SPOCK3: variants seen among roughly 807,000 people sequenced by gnomAD.
The protein encoded by SPOCK3 is SPARC (osteonectin), cwcv and kazal like domains proteoglycan 3.
A neutral mutation model predicts 56.6 loss-of-function variants in SPOCK3; 30 were observed. The observed-to-expected ratio is 0.53, with a 90% confidence interval of 0.40 to 0.72. The LOEUF (loss-of-function observed/expected upper bound fraction) is 0.72, where lower values mean the gene tolerates loss of function less well. SPOCK3 is among the 30% of genes least tolerant of loss of function. SPOCK3 has a pLI of 0.00. For missense variants in SPOCK3, 527 were observed against 530.0 expected, an observed-to-expected ratio of 0.99 and a Z score of 0.06; for synonymous variants, 196 against 183.3, an observed-to-expected ratio of 1.07 and a Z score of -0.56.
At chr4:166,749,661 AAAT>A (rs1304773353) in intron 8 of SPOCK3, among the ~76,000 whole-genome samples, 1 of 151,906 alleles carries the variant, frequency 6.6e-6, no homozygotes, top group Non-Finnish European at 1.5e-5. Context: ...AATAAAAATA[AAAT>A]AATAAAATGT....
intron 2 of SPOCK3, among the ~76,000 whole-genome samples, chr4:167,068,328 C>T (rs533040108): frequency 6.6e-6 from 1 of 151,584 alleles, no homozygotes; most frequent in South Asian, 2.1e-4. Flanking sequence ...ATTTTATTTT[C>T]TGAAAATTGA....
rs531960833 is a variant in SPOCK3 at position 166,841,244 on chromosome 4, AG to A, written c.589+47885del. ...TAAGGAGCTGTGGCAATTTAACTGA[AG>A]GTCAGTTATCAATTCCTAATTTCTT... On this transcript the variant is annotated intron_variant, in intron 6 of 10. Transcript: ENST00000357545. Among the ~76,000 whole-genome samples, 32 of 152,254 alleles carry A rather than the reference AG, an allele frequency of 2.1e-4. No individual in the cohort carries two copies. In the East Asian group the frequency reaches 5.6e-3, roughly 27 times the overall value.
intron 3 of SPOCK3, among the ~76,000 whole-genome samples, chr4:167,024,824 C>T (rs945493474): frequency 2.6e-5 from 4 of 151,776 alleles, no homozygotes; most frequent in African/African-American, 4.8e-5. Context: ...CCAAATGCCA[C>T]CTGTACCCCA....
intron 4 of SPOCK3, among the ~76,000 whole-genome samples, chr4:166,968,017 A>G (rs1744937056): frequency 6.6e-6 from 1 of 152,202 alleles, no homozygotes; most frequent in Admixed American, 6.5e-5. Flanking sequence ...GACTGATGGC[A>G]GTGTGTCCCT....
intron 2 of SPOCK3, among the ~76,000 whole-genome samples, chr4:167,139,475 T>C (rs1763361516): frequency 1.3e-5 from 2 of 152,048 alleles, no homozygotes. Flanking sequence ...CCAATCTGAA[T>C]GTTATGCTAG....
intron 7 of SPOCK3, among the ~76,000 whole-genome samples, chr4:166,771,338 A>T (rs1191522463): frequency 6.6e-6 from 1 of 151,972 alleles, no homozygotes; most frequent in African/African-American, 2.4e-5. Context: ...GTTTATTGAG[A>T]TATTTAAAAT....
chr4:167,119,797 A>T (rs1470657154), intron 2 of SPOCK3: 1 of 1,533,456 alleles, frequency 6.5e-7, no homozygotes, highest in Non-Finnish European at 8.7e-7. Context: ...TCATTACCTG[A>T]CTGAGCCCAG....
At chr4:167,164,186 T>G (rs1765558913) in intron 2 of SPOCK3, among the ~76,000 whole-genome samples, 1 of 152,112 alleles carries the variant, frequency 6.6e-6, no homozygotes, top group Non-Finnish European at 1.5e-5. Flanking sequence ...GATAATAAAT[T>G]AATTCTAACT....
chr4:166,739,453 CT>C (rs1734596485), intron 9 of SPOCK3, among the ~76,000 whole-genome samples: 2 of 152,070 alleles, frequency 1.3e-5, no homozygotes, highest in Admixed American at 1.3e-4. Context: ...GTTGTCAAGA[CT>C]GATCTCAAAC....
chr4:167,168,731 A>T (rs1235959956), intron 2 of SPOCK3, among the ~76,000 whole-genome samples: 1 of 152,176 alleles, frequency 6.6e-6, no homozygotes, highest in African/African-American at 2.4e-5. Context: ...TGCGTAAGTA[A>T]CAAGGAGCCA....
intron 2 of SPOCK3, among the ~76,000 whole-genome samples, chr4:167,074,984 A>AT (rs1159234454): frequency 6.6e-6 from 1 of 151,950 alleles, no homozygotes; most frequent in South Asian, 2.1e-4. Context: ...AGCATGTATC[A>AT]TTTTTGGTTT....
At chr4:166,861,427 C>A (rs1731237320) in intron 6 of SPOCK3, among the ~76,000 whole-genome samples, 2 of 152,044 alleles carry the variant, frequency 1.3e-5, no homozygotes, top group Non-Finnish European at 2.9e-5. Flanking sequence ...TGGATAAAAG[C>A]AAATCCCAAT....
intron 2 of SPOCK3, among the ~76,000 whole-genome samples, chr4:167,216,697 G>A (rs1049809341): frequency 1.3e-5 from 2 of 152,022 alleles, no homozygotes; most frequent in African/African-American, 4.8e-5. Context: ...GCATTGCACA[G>A]CTCACTTTTA....
chr4:167,143,507 T>C (rs1432051717), intron 2 of SPOCK3, among the ~76,000 whole-genome samples: 6 of 151,988 alleles, frequency 3.9e-5, no homozygotes. Context: ...CTGGATAACA[T>C]AATGCAGGCA....
At chr4:167,200,869 G>A (rs1377680574) in intron 2 of SPOCK3, among the ~76,000 whole-genome samples, 1 of 151,944 alleles carries the variant, frequency 6.6e-6, no homozygotes, top group Non-Finnish European at 1.5e-5. Flanking sequence ...GTATCCTTTT[G>A]GTATGGCATT....
chr4:166,981,880 G>C (rs1746617079), intron 4 of SPOCK3, among the ~76,000 whole-genome samples: 1 of 152,136 alleles, frequency 6.6e-6, no homozygotes, highest in African/African-American at 2.4e-5. Flanking sequence ...GGACTGAGGT[G>C]GGGAGGCTGG....
At chr4:167,010,892 A>C (rs1391523166) in intron 3 of SPOCK3, among the ~76,000 whole-genome samples, 1 of 152,168 alleles carries the variant, frequency 6.6e-6, no homozygotes, top group African/African-American at 2.4e-5. Context: ...TTTGTGACTA[A>C]TGTGATCTAA....
intron 2 of SPOCK3, among the ~76,000 whole-genome samples, chr4:167,220,657 A>C (rs1415962381): frequency 6.6e-6 from 1 of 151,908 alleles, no homozygotes; most frequent in Non-Finnish European, 1.5e-5. Flanking sequence ...AAGTTCTGGA[A>C]TTAACAGGCG....
intron 6 of SPOCK3, among the ~76,000 whole-genome samples, chr4:166,821,594 T>C (rs1744944187): frequency 6.6e-6 from 1 of 152,028 alleles, no homozygotes; most frequent in African/African-American, 2.4e-5. Context: ...TGAAATACTA[T>C]GCAGCAATAA....
Sources: allele counts gnomAD v4.1 joint callset (sites outside exome capture counted in the v4.1 genomes callset), GRCh38; gene constraint gnomAD v4.1.1; transcripts MANE v1.5; gene names NCBI Gene and HGNC (gene_info 2026-07-23, HGNC 2026-07-21).